Variants in PLCH2 observed in about 807,000 individuals in gnomAD.
The protein encoded by PLCH2 is 1-phosphatidylinositol 4,5-bisphosphate phosphodiesterase eta-2.
In PLCH2, 98 loss-of-function variants were observed where a neutral mutation model predicts 134.7. The ratio of observed to expected loss-of-function variants is 0.73; its 90% CI spans 0.62 to 0.86. The LOEUF (loss-of-function observed/expected upper bound fraction) is 0.86, where lower values mean the gene tolerates loss of function less well. Among genes scored for constraint, PLCH2 ranks in the 40% least tolerant of loss-of-function variants. The probability of loss-of-function intolerance (pLI) is 0.00; values close to 1 mark genes in which losing one functional copy is unlikely to be tolerated. For synonymous variants in PLCH2, 974 were observed against 827.5 expected (o/e 1.18, Z -3.04); for missense variants, 1,994 against 1,986.6 (o/e 1.00, Z -0.07).
intron 2 of PLCH2, among the ~76,000 whole-genome samples, chr1:2,461,973 C>A (rs997740117): frequency 2.6e-5 from 4 of 151,996 alleles, no homozygotes; most frequent in Admixed American, 2.6e-4. Context: ...GCTGCCTCCC[C>A]TGGCGCCCCC....
At chr1:2,478,964 T>G in intron 2 of PLCH2, 1 of 321,090 alleles carries the variant, frequency 3.1e-6, no homozygotes, top group Non-Finnish European at 5.8e-6. Context: ...CCCACAGAGG[T>G]ATGCTGATGG....
intron 4 of PLCH2, among the ~76,000 whole-genome samples, chr1:2,483,531 A>G (rs1642087308): frequency 6.6e-6 from 1 of 152,232 alleles, no homozygotes; most frequent in East Asian, 1.9e-4. Context: ...CTGGGGTGTC[A>G]CACTGGGGCC....
upstream of PLCH2, among the ~76,000 whole-genome samples, chr1:2,474,709 G>C (rs1285923660): frequency 1.3e-5 from 2 of 152,188 alleles, no homozygotes; most frequent in African/African-American, 4.8e-5. Flanking sequence ...CAGGCCCAGG[G>C]TGAGGGAACA....
intron 18 of PLCH2, 27 bp from the exon 19 acceptor site, chr1:2,499,057 A>C (rs769965131): frequency 1.9e-6 from 3 of 1,597,084 alleles, no homozygotes; most frequent in Admixed American, 1.7e-5. Context: ...TCCCCATGGG[A>C]CACTCCTCCT....
rs1469451806 is a variant in PLCH2 at position 2,444,715 on chromosome 1, C to T, written c.115+14086C>T. Among the ~76,000 whole-genome samples the T allele has an allele frequency of 6.6e-6, 1 of 152,130 alleles. No individual in the cohort carries two copies. Among genetic ancestry groups the T allele is most frequent in the Non-Finnish European group, 1.5e-5 (1 of 68,004 alleles). ...ACTGTCTGGTGACACTGGAGGCAGC[C>T]AAGGTGGCCACTGATCCCCACTGTG... On this transcript the variant is annotated intron_variant, in intron 2 of 3. Transcript: ENST00000609981. This position sits in a 1 kb window ranked among gnomAD's most constrained non-coding sequence, Gnocchi z 4.6.
chr1:2,447,621 G>A (rs1640002091), intron 2 of PLCH2, among the ~76,000 whole-genome samples: 1 of 152,236 alleles, frequency 6.6e-6, no homozygotes. Flanking sequence ...TGGAAGGCAG[G>A]AAAGGCTTGG....
the PLCH2 span, among the ~76,000 whole-genome samples, chr1:2,416,143 T>C: frequency 6.6e-6 from 1 of 152,228 alleles, no homozygotes; most frequent in South Asian, 2.1e-4. Flanking sequence ...AGGGGACTGC[T>C]GTGCCTGGGT....
In PLCH2 at chr1:2,503,761, G is replaced by A. The variant is rs567179906; in HGVS notation, c.2960-161G>A. The A allele has an allele frequency of 6.3e-4, 387 of 616,748 alleles. 1 individual carries two copies. The highest frequency in any genetic ancestry group is 6.1e-3 in the East Asian group (223 of 36,312). 38.2% of individuals were successfully genotyped at this position (616,748 alleles called of 1,614,324 possible). A position where few individuals can be genotyped will look rare whatever the true frequency, so the allele number is the denominator to read the frequency against. The stretch of plus-strand genomic sequence containing the variant: ...AGGGTGGGGACACCGAGTGTGCCGC[G>A]CCCGGGGGATGCCTCGGGGTGGGAG... On this transcript the variant is annotated intron_variant, in intron 21 of 21. Transcript: ENST00000378486.
At chr1:2,478,391 G>A (rs1641755823) in intron 1 of PLCH2, 85 bp from the exon 2 acceptor site, 2 of 1,523,086 alleles carry the variant, frequency 1.3e-6, no homozygotes, top group African/African-American at 1.4e-5. Context: ...CCCGTGAGGA[G>A]TGGCCGTGCC....
upstream of PLCH2, among the ~76,000 whole-genome samples, chr1:2,462,689 G>A (rs368258124): frequency 6.6e-6 from 1 of 152,134 alleles, no homozygotes; most frequent in Non-Finnish European, 1.5e-5. Flanking sequence ...TCTGGGCATC[G>A]CTGGGGTGGT....
At chr1:2,459,580 CCTTGCCGGTGGT>C (rs1449586025) in intron 2 of PLCH2, among the ~76,000 whole-genome samples, 2 of 145,926 alleles carry the variant, frequency 1.4e-5, no homozygotes, top group African/African-American at 5.0e-5. Flanking sequence ...CGGTGGTCCT[CCTTGCCGGTGGT>C]CTTCCTTTCC....
Position 2,452,545 on chromosome 1 carries a change from G to T in PLCH2, c.115+21916G>T, listed in dbSNP as rs1471414591. 3.9e-5 allele frequency among the ~76,000 whole-genome samples: 6 copies of T among 152,332 alleles called. No homozygotes were observed. The East Asian group carries it at 9.7e-4, about 25-fold the overall frequency. On this transcript the variant is annotated intron_variant, in intron 2 of 3. Transcript: ENST00000609981. Reference sequence around the variant, plus strand: ...AGGTGAGGGCTGGTGCTGAGGTGGGGTCCACCTCCCTCCAGCGGCGCCTTG... The same window carrying T: ...AGGTGAGGGCTGGTGCTGAGGTGGGTTCCACCTCCCTCCAGCGGCGCCTTG...
In PLCH2 at chr1:2,494,909, C is replaced by T; in HGVS notation, c.1713C>T (p.Arg571=). 1.9e-6 allele frequency: 3 copies of T among 1,604,838 alleles called. No homozygotes were observed. Among genetic ancestry groups the T allele is most frequent in the Non-Finnish European group, 2.5e-6 (3 of 1,176,894 alleles). The stretch of plus-strand genomic sequence containing the variant: ...GGGAGGATGCCGGGGCCAGCAGACG[C>T]AATGGCCGCCTCGTCGTGGGAAGCT... ...ESGEDAGASR[R]NGRLVVGSFS... is the part of the protein sequence containing the mutation. Residue 571 remains arginine (R), a synonymous_variant, in exon 12 of 22, where the codon CGC becomes CGT. Coordinates refer to ENST00000378486, the MANE Select transcript of PLCH2 (RefSeq NM_014638.4).
rs1338106458 is a variant in PLCH2 at position 2,502,490 on chromosome 1, G to C, written c.2959+81G>C. On this transcript the variant is annotated intron_variant, in intron 21 of 21. Transcript: ENST00000378486. ...TGTCCTGGACGGCCCCGGGCCTGCT[G>C]GGATGGCCGCCACATGCATGAAGTG... 6 of 1,350,310 alleles carry C rather than the reference G, an allele frequency of 4.4e-6. 1 individual carries two copies. The highest frequency in any genetic ancestry group is 6.2e-6 in the Non-Finnish European group (6 of 966,696). 83.6% of individuals were successfully genotyped at this position (1,350,310 alleles called of 1,614,324 possible).
chr1:2,482,830 C>G (rs555827336), intron 4 of PLCH2, among the ~76,000 whole-genome samples: 16 of 152,322 alleles, frequency 1.1e-4, no homozygotes, highest in African/African-American at 3.4e-4. Flanking sequence ...GGCCCTGGTT[C>G]CTGCTCAGCT....
chr1:2,462,976 G>A (rs990161413), upstream of PLCH2, among the ~76,000 whole-genome samples: 5 of 152,184 alleles, frequency 3.3e-5, no homozygotes, highest in Non-Finnish European at 2.9e-5. Context: ...CACGGAATTC[G>A]CTTTGATGTT....
Position 2,498,839 on chromosome 1 carries a change from G to A in PLCH2, c.2434+11G>A. Reference sequence around the variant, plus strand: ...TGGTGGACGACAACGGTGAGGCTGGGCCGTGGCTCCGTCACACCTGTGATG... The same window carrying A: ...TGGTGGACGACAACGGTGAGGCTGGACCGTGGCTCCGTCACACCTGTGATG... On this transcript the variant is annotated intron_variant, in intron 18 of 21. Coordinates refer to ENST00000378486, the MANE Select transcript of PLCH2 (RefSeq NM_014638.4). The surrounding 1 kb of genome is among the most constrained non-coding windows in gnomAD (Gnocchi z 5.4). The A allele has an allele frequency of 2.5e-6, 4 of 1,599,378 alleles. No homozygotes were observed. The highest frequency in any genetic ancestry group is 1.1e-5 in the South Asian group (1 of 89,806).
At chr1:2,483,912 T>C (rs190972382) in intron 4 of PLCH2, among the ~76,000 whole-genome samples, 519 of 23,696 alleles carry the variant, frequency 0.022, 146 homozygotes, top group Non-Finnish European at 0.024. Context: ...GGGCGCTGAC[T>C]CCCGTGTGGG....
In PLCH2 at chr1:2,503,932, C is replaced by A; in HGVS notation, c.2970C>A (p.Pro990=). 8.8e-7 allele frequency: 1 copy of A among 1,138,352 alleles called. No individual in the cohort carries two copies. Among genetic ancestry groups the A allele is most frequent in the Non-Finnish European group, 1.3e-6 (1 of 779,004 alleles). The allele number at this position is 1,138,352 out of a possible 1,614,324, so 70.5% of individuals were successfully genotyped here. The change falls in exon 22 of 22, where the codon CCC becomes CCA. Residue 990 remains proline, a synonymous_variant. Transcript: ENST00000378486. The part of the protein sequence containing the change: ...PGSGSPRDTR[P]LSTQRPLPPL... The stretch of plus-strand genomic sequence containing the variant: ...CCCACCTCCCCACAGACACCCGCCC[C>A]CTCTCCACGCAGCGGCCACTCCCCC...
Sources: gnomAD v4.1 joint callset for allele counts (sites outside exome capture counted in the v4.1 genomes callset) on GRCh38, gnomAD v4.1.1 for gene constraint, Gnocchi (gnomAD v3.1) non-coding constraint, MANE v1.5 for transcripts, NCBI Gene and HGNC (gene_info 2026-07-23, HGNC 2026-07-21) for gene names.